The following FTO variants were observed in gnomAD, a reference collection of about 807,000 sequenced individuals.
FTO encodes FTO alpha-ketoglutarate dependent dioxygenase.
In FTO, 47 loss-of-function variants were observed where a neutral mutation model predicts 63.9. That is an observed-to-expected ratio of 0.74 (90% CI 0.58 to 0.94). The LOEUF (loss-of-function observed/expected upper bound fraction) is 0.94. Among genes scored for constraint, FTO ranks in the 40% least tolerant of loss-of-function variants. FTO has a pLI of 0.00. For missense variants in FTO, 562 were observed against 618.1 expected (o/e 0.91, Z 0.96); for synonymous variants, 207 against 224.4 (o/e 0.92, Z 0.69).
chr16:54,069,272 C>T (rs1178903256), intron 8 of FTO, among the ~76,000 whole-genome samples: 2 of 152,122 alleles, frequency 1.3e-5, no homozygotes, highest in East Asian at 3.9e-4. Context: ...GGGCCGTCTG[C>T]ACCACCTGGG....
At chr16:53,977,110 C>G (rs1487099114) in intron 8 of FTO, among the ~76,000 whole-genome samples, 1 of 151,926 alleles carries the variant, frequency 6.6e-6, no homozygotes, top group Admixed American at 6.6e-5. Flanking sequence ...TGCAGTTAAC[C>G]TGGAGATTTG....
At chr16:54,049,245 A>G (rs76268232) in intron 8 of FTO, among the ~76,000 whole-genome samples, 144 of 152,322 alleles carry the variant, frequency 9.5e-4, no homozygotes, top group African/African-American at 3.2e-3. Flanking sequence ...GCCTGTCAGC[A>G]GTTTATTTCT....
chr16:54,081,422 C>G (rs1260097275), intron 8 of FTO, among the ~76,000 whole-genome samples: 1 of 152,140 alleles, frequency 6.6e-6, no homozygotes, highest in Non-Finnish European at 1.5e-5. Flanking sequence ...ATTACACTCA[C>G]AGATATGAAA....
intron 6 of FTO, among the ~76,000 whole-genome samples, chr16:53,885,491 G>A (rs998395039): frequency 2.0e-5 from 3 of 152,190 alleles, no homozygotes; most frequent in African/African-American, 7.2e-5. Flanking sequence ...CTTCAGTGCT[G>A]TTGAACGTTT....
At chr16:54,001,847 C>T (rs2084076054) in intron 8 of FTO, among the ~76,000 whole-genome samples, 1 of 152,142 alleles carries the variant, frequency 6.6e-6, no homozygotes, top group South Asian at 2.1e-4. Flanking sequence ...TCCCAGCATC[C>T]CTTGGGACCT....
At chr16:53,750,420 G>A (rs1178070823) in intron 1 of FTO, among the ~76,000 whole-genome samples, 1 of 152,018 alleles carries the variant, frequency 6.6e-6, no homozygotes, top group Non-Finnish European at 1.5e-5. Context: ...TGTATTTTTA[G>A]TAGAGATGGG....
At chr16:54,099,692 T>C (rs1244026574) in intron 8 of FTO, among the ~76,000 whole-genome samples, 2 of 152,176 alleles carry the variant, frequency 1.3e-5, no homozygotes, top group African/African-American at 4.8e-5. Context: ...TTCTCAGCCC[T>C]CTACCTCCTG....
chr16:53,924,540 C>T (rs1293481252), intron 7 of FTO, among the ~76,000 whole-genome samples: 6 of 151,694 alleles, frequency 4.0e-5, no homozygotes. Flanking sequence ...AAGACTTCTG[C>T]CTTTGTGCCT....
At chr16:54,097,151 A>G (rs1291323787) in intron 8 of FTO, among the ~76,000 whole-genome samples, 2 of 152,030 alleles carry the variant, frequency 1.3e-5, no homozygotes, top group Admixed American at 6.6e-5. Flanking sequence ...ACCTTTAGGG[A>G]TTGTCTAACT....
At chr16:53,891,025 C>A (rs1337550702) in intron 7 of FTO, among the ~76,000 whole-genome samples, 1 of 150,038 alleles carries the variant, frequency 6.7e-6, no homozygotes, top group East Asian at 1.9e-4. Context: ...GAGTCTTGCT[C>A]TGTTGCCCAG....
chr16:53,811,631 A>C (rs2078526405), intron 2 of FTO, among the ~76,000 whole-genome samples: 1 of 151,850 alleles, frequency 6.6e-6, no homozygotes, highest in African/African-American at 2.4e-5. Flanking sequence ...GAGCATGGCA[A>C]CCCTCTGCTT....
intron 1 of FTO, among the ~76,000 whole-genome samples, chr16:53,793,766 TAGAA>T (rs946735660): frequency 5.0e-4 from 76 of 151,924 alleles, no homozygotes; most frequent in African/African-American, 1.8e-3. Flanking sequence ...AAAAATAAAA[TAGAA>T]AGGTGCTCAT....
rs559145616 is a variant in FTO at position 53,794,861 on chromosome 16, C to A, written c.46-15279C>A. Among the ~76,000 whole-genome samples, 4 of 152,206 alleles carry A rather than the reference C, an allele frequency of 2.6e-5. No homozygotes were observed. In the East Asian group the frequency reaches 7.7e-4, roughly 29 times the overall value. On this transcript the variant is annotated intron_variant, in intron 1 of 8. Coordinates refer to ENST00000471389, the MANE Select transcript of FTO (RefSeq NM_001080432.3). Reference sequence around the variant, plus strand: ...GAGTAAGAGAAGCAAAGAAGAAAAGCCTTTCACTTAGAATTAGCCTTCAAA... The same window carrying A: ...GAGTAAGAGAAGCAAAGAAGAAAAGACTTTCACTTAGAATTAGCCTTCAAA...
intron 3 of FTO, among the ~76,000 whole-genome samples, chr16:53,827,638 T>C (rs1412621544): frequency 6.6e-6 from 1 of 152,250 alleles, no homozygotes; most frequent in African/African-American, 2.4e-5. Context: ...GAACTACTAA[T>C]ATTTTTTCTA....
At chr16:53,808,330 T>C (rs1013406547) in intron 1 of FTO, among the ~76,000 whole-genome samples, 12 of 149,526 alleles carry the variant, frequency 8.0e-5, no homozygotes, top group African/African-American at 3.0e-4. Flanking sequence ...TGAAACCCTG[T>C]CTCCAAAAAA....
rs1432965902 is a variant in FTO at position 54,121,803 on chromosome 16, T to C, written c.*9888T>C. The stretch of plus-strand genomic sequence containing the variant: ...GACTAAAGGGTGTCCTATTTATAAG[T>C]CAGTAAAACACAGCGGCTTCATACT... On this transcript the variant is annotated 3_prime_UTR_variant, in exon 9 of 9. Transcript: ENST00000471389. The C allele has an allele frequency of 6.6e-6, 1 of 152,148 alleles. No homozygotes were observed. The highest frequency in any genetic ancestry group is 1.5e-5 in the Non-Finnish European group (1 of 68,032). 9.4% of individuals were successfully genotyped at this position (152,148 alleles called of 1,614,324 possible).
intron 1 of FTO, among the ~76,000 whole-genome samples, chr16:53,736,158 A>T (rs1461845551): frequency 6.6e-6 from 1 of 152,184 alleles, no homozygotes; most frequent in East Asian, 1.9e-4. Context: ...TGAGGGTTTG[A>T]ATATAGGCTG....
intron 1 of FTO, among the ~76,000 whole-genome samples, chr16:53,770,528 G>C (rs1209738823): frequency 6.6e-6 from 1 of 152,136 alleles, no homozygotes; most frequent in Non-Finnish European, 1.5e-5. Flanking sequence ...ATGGCCTACA[G>C]AGGTCTTAAC....
intron 5 of FTO, 67 bp downstream of exon 5, chr16:53,873,932 T>C: frequency 8.6e-7 from 1 of 1,165,680 alleles, no homozygotes; most frequent in South Asian, 1.2e-5. Context: ...ATGAGCAATT[T>C]ACTATAGAGC....
Sources: allele counts gnomAD v4.1 joint callset (sites outside exome capture counted in the v4.1 genomes callset), GRCh38; gene constraint gnomAD v4.1.1; transcripts MANE v1.5; gene names NCBI Gene and HGNC (gene_info 2026-07-23, HGNC 2026-07-21).